APBA2: variants seen among roughly 807,000 people sequenced by gnomAD.
The protein encoded by APBA2 is amyloid beta precursor protein binding family A member 2, also known as amyloid-beta A4 precursor protein-binding family A member 2.
A neutral mutation model predicts 75.0 loss-of-function variants in APBA2; 30 were observed. That is an observed-to-expected ratio of 0.40 (90% CI 0.30 to 0.54). The LOEUF (loss-of-function observed/expected upper bound fraction) is 0.54, where lower values mean the gene tolerates loss of function less well. Among genes scored for constraint, APBA2 ranks in the 20% least tolerant of loss-of-function variants. The pLI is 0.49. For synonymous variants in APBA2, 444 were observed against 409.6 expected (o/e 1.08, Z -1.01); for missense variants, 801 against 1,016.1 (o/e 0.79, Z 2.88).
At chr15:29,028,633 A>T (rs924496448) in intron 3 of APBA2, among the ~76,000 whole-genome samples, 5 of 152,176 alleles carry the variant, frequency 3.3e-5, no homozygotes, top group Admixed American at 1.3e-4. Flanking sequence ...AACAGTATAC[A>T]AGCATTCCTA....
rs2038900044 is a variant in APBA2 at position 29,002,486 on chromosome 15, G to A, written c.-41+6680G>A. On this transcript the variant is annotated intron_variant, in intron 3 of 14. Coordinates refer to ENST00000683413, the MANE Select transcript of APBA2 (RefSeq NM_001353788.2). ...CTGGATGGTGGGAGGACTCCTAGCA[G>A]TGGTGGCTGTTACCATCTCATAAGA... Among the ~76,000 whole-genome samples the A allele has an allele frequency of 2.0e-5, 3 of 151,976 alleles. No individual in the cohort carries two copies. The South Asian group carries it at 6.2e-4, about 32-fold the overall frequency.
intron 2 of APBA2, among the ~76,000 whole-genome samples, chr15:28,941,612 G>A (rs902396515): frequency 6.6e-6 from 1 of 152,076 alleles, no homozygotes; most frequent in Non-Finnish European, 1.5e-5. Context: ...GGAGCAGGGT[G>A]GGGCTATGAT....
chr15:29,061,187 G>A (rs2042116520), intron 4 of APBA2, among the ~76,000 whole-genome samples: 1 of 152,184 alleles, frequency 6.6e-6, no homozygotes, highest in Non-Finnish European at 1.5e-5. Context: ...AACATAAAGG[G>A]TTTGGCGAGG....
At chr15:29,090,379 G>T (rs1436382304) in intron 6 of APBA2, among the ~76,000 whole-genome samples, 1 of 152,236 alleles carries the variant, frequency 6.6e-6, no homozygotes. Context: ...GACGAGGCCA[G>T]TCTTTCCCAA....
chr15:28,890,174 A>C (rs1490752988), intron 1 of APBA2, among the ~76,000 whole-genome samples: 4 of 152,202 alleles, frequency 2.6e-5, no homozygotes, highest in African/African-American at 9.7e-5. Context: ...ACCCTCACTC[A>C]GTGGGCAGTC....
At position 28,897,647 on chromosome 15, in the gene APBA2, A is replaced by ATT. The variant is rs1566779774; in HGVS notation, c.-205+11369_-205+11370insTT. Among the ~76,000 whole-genome samples the ATT allele has an allele frequency of 5.3e-3, 796 of 150,282 alleles. 15 individuals carry two copies. Among genetic ancestry groups the ATT allele is most frequent in the African/African-American group, 0.019 (757 of 40,666 alleles). ...AAAAAAAAAAAAAAAAGAGAAAAAG[A>ATT]GCAGAAAATAGCAGGTGTCGGTGAG... On this transcript the variant is annotated intron_variant, in intron 1 of 14. Coordinates refer to ENST00000683413, the MANE Select transcript of APBA2 (RefSeq NM_001353788.2).
rs1227488253 is a variant in APBA2, at chr15:29,108,303, A to G, written c.1951A>G (p.Ile651Val). The change falls in exon 13 of 15, where the codon ATT (isoleucine) becomes GTT (valine). Residue 651 changes from isoleucine (I) to valine (V), a missense_variant. This residue lies in a region of APBA2 where 367 missense variants were observed against 544.5 expected (regional missense o/e 0.67). Transcript: ENST00000683413. Reference protein sequence around the residue: ...LKNQTQVKLNIVSCPPVTTVL... With the variant: ...LKNQTQVKLNVVSCPPVTTVL... ...GAACCAGACACAGGTGAAGCTCAAC[A>G]TTGTCAGCTGTCCCCCGGTCACCAC... 8 of 1,613,842 alleles carry G rather than the reference A, an allele frequency of 5.0e-6. No homozygotes were observed. Among genetic ancestry groups the G allele is most frequent in the Non-Finnish European group, 6.8e-6 (8 of 1,179,996 alleles).
intron 6 of APBA2, among the ~76,000 whole-genome samples, chr15:29,077,370 A>G (rs1421549734): frequency 1.3e-5 from 2 of 152,152 alleles, no homozygotes; most frequent in Non-Finnish European, 2.9e-5. Context: ...TGCCAGTCAC[A>G]CTGCTCCAGT....
chr15:29,076,166 G>A (rs1374890041), intron 6 of APBA2, 75 bp downstream of exon 6: 5 of 1,459,586 alleles, frequency 3.4e-6, no homozygotes, highest in Non-Finnish European at 4.8e-6. Flanking sequence ...TTTAGTTTGG[G>A]CATTCACCTG....
intron 2 of APBA2, among the ~76,000 whole-genome samples, chr15:28,950,632 A>T (rs1220883479): frequency 1.3e-5 from 2 of 151,460 alleles, no homozygotes; most frequent in African/African-American, 2.4e-5. Context: ...GTCTCAAAAA[A>T]AAAAAAAGAA....
At position 29,106,746 on chromosome 15, in the gene APBA2, G is replaced by T; in HGVS notation, c.1844G>T (p.Gly615Val). ...GCCCGCTCGGGGAAGCTGAGCATCGGGGACCAGATCATGTCCATCAATGGC... is the reference window on the plus strand; with the variant it reads ...GCCCGCTCGGGGAAGCTGAGCATCGTGGACCAGATCATGTCCATCAATGGC... ...PAARSGKLSI[G>V]DQIMSINGTS... Residue 615 changes from glycine (G) to valine (V), a missense_variant, in exon 12 of 15, where the codon GGG (glycine) becomes GTG (valine). Physicochemically the swap from Gly to Val is moderately radical, Grantham distance 109. Transcript: ENST00000683413. 1 of 1,613,050 alleles carries T rather than the reference G, an allele frequency of 6.2e-7. No homozygotes were observed. The highest frequency in any genetic ancestry group is 8.5e-7 in the Non-Finnish European group (1 of 1,179,990).
intron 2 of APBA2, among the ~76,000 whole-genome samples, chr15:28,957,991 G>A (rs756571787): frequency 1.4e-4 from 21 of 152,184 alleles, no homozygotes; most frequent in African/African-American, 3.9e-4. Context: ...CGAGACAGGC[G>A]GGGGAGCATT....
At chr15:29,017,397 C>CTTT (rs56993296) in intron 3 of APBA2, among the ~76,000 whole-genome samples, 143 of 102,008 alleles carry the variant, frequency 1.4e-3, no homozygotes, top group Non-Finnish European at 1.6e-3. Flanking sequence ...TTCTTTCTTT[C>CTTT]TTTTTTTTTT....
intron 2 of APBA2, among the ~76,000 whole-genome samples, chr15:28,972,513 T>C (rs56283420): frequency 0.028 from 4,216 of 152,300 alleles, 74 homozygotes; most frequent in Non-Finnish European, 0.031. Flanking sequence ...ACAAGTTATA[T>C]GCAAAGTCTG....
At position 28,952,345 on chromosome 15, in the gene APBA2, C is replaced by A. The variant is rs75071197; in HGVS notation, c.-95+30596C>A. 8.4e-3 allele frequency among the ~76,000 whole-genome samples: 1,284 copies of A among 151,978 alleles called. 11 individuals carry two copies. Among genetic ancestry groups the A allele is most frequent in the Non-Finnish European group, 0.012 (843 of 67,964 alleles). On this transcript the variant is annotated intron_variant, in intron 2 of 14. Transcript: ENST00000683413. ...AGGAGTTCAAGAACAGTCTGGGTAG[C>A]ATAGAGTGACCTTGTCTCTACAAAA... is the stretch of plus-strand genomic sequence containing the variant.
At chr15:28,915,499 C>T (rs1360240004) in intron 1 of APBA2, among the ~76,000 whole-genome samples, 2 of 140,766 alleles carry the variant, frequency 1.4e-5, no homozygotes, top group East Asian at 4.4e-4. Context: ...CACACCACAC[C>T]CCTCCATACA....
intron 1 of APBA2, among the ~76,000 whole-genome samples, chr15:28,916,177 G>A (rs1482752221): frequency 2.0e-5 from 3 of 152,230 alleles, no homozygotes; most frequent in Admixed American, 2.0e-4. Context: ...GCCCTGGGGC[G>A]TGCTTACGTC....
Position 29,054,529 on chromosome 15 carries a change from G to C in APBA2, c.645G>C (p.Gly215=). 1 of 1,613,564 alleles carries C rather than the reference G, an allele frequency of 6.2e-7. No individual in the cohort carries two copies. Among genetic ancestry groups the C allele is most frequent in the Non-Finnish European group, 8.5e-7 (1 of 1,179,766 alleles). ...CCTCCCCCTACCGCCTGAGGCGTGG[G>C]GATGGGGACCTGGAGGACCAGGAGG... ...TGASPYRLRR[G]DGDLEDQEED... Residue 215 remains glycine (G), a synonymous_variant, in exon 4 of 15, where the codon GGG becomes GGC. Transcript: ENST00000683413. The surrounding 1 kb of genome is among the most constrained non-coding windows in gnomAD (Gnocchi z 6.1).
At chr15:28,955,583 A>C (rs907645549) in intron 2 of APBA2, among the ~76,000 whole-genome samples, 5 of 152,264 alleles carry the variant, frequency 3.3e-5, no homozygotes, top group Non-Finnish European at 7.3e-5. Context: ...GTTCAGGGAA[A>C]TGCATCTTTT....
Sources: gnomAD v4.1 joint callset for allele counts (sites outside exome capture counted in the v4.1 genomes callset) on GRCh38, gnomAD v4.1.1 for gene constraint, gnomAD v4.1.1 regional missense constraint, Gnocchi (gnomAD v3.1) non-coding constraint, MANE v1.5 for transcripts, NCBI Gene and HGNC (gene_info 2026-07-23, HGNC 2026-07-21) for gene names.